Variants in CCDC27 observed in about 807,000 individuals in gnomAD.
The protein encoded by CCDC27 is coiled-coil domain containing 27.
In CCDC27, 80 loss-of-function variants were observed where a neutral mutation model predicts 80.3. The observed-to-expected ratio is 1.00, with a 90% CI of 0.83 to 1.20. The LOEUF (loss-of-function observed/expected upper bound fraction) is 1.20. CCDC27 is among the 50% of genes most tolerant of loss of function. The probability of loss-of-function intolerance (pLI) is 0.00; values close to 1 mark genes in which losing one functional copy is unlikely to be tolerated. For synonymous variants in CCDC27, 342 were observed against 334.3 expected (o/e 1.02, Z -0.25); for missense variants, 815 against 809.4 (o/e 1.01, Z -0.08).
At chr1:3,755,822 C>T (rs1642939020) in intron 3 of CCDC27, 2 of 473,108 alleles carry the variant, frequency 4.2e-6, no homozygotes, top group Non-Finnish European at 7.8e-6. Flanking sequence ...GTTTTGTCCC[C>T]TTGGCCTTTA....
rs542584363 is a variant in CCDC27 at position 3,771,570 on chromosome 1, C to A, written c.*47C>A. On this transcript the variant is annotated 3_prime_UTR_variant, in exon 12 of 12. Transcript: ENST00000294600. ...CGGTCAGCCCAGCAGAGGCCGGGGC[C>A]CAGCTCCAGAACCACCCGCCCCCAC... The A allele has an allele frequency of 1.2e-6, 2 of 1,604,444 alleles. No homozygotes were observed. The highest frequency in any genetic ancestry group is 1.7e-6 in the Non-Finnish European group (2 of 1,177,078).
At chr1:3,753,706 G>A (rs946361302) in intron 1 of CCDC27, among the ~76,000 whole-genome samples, 4 of 152,230 alleles carry the variant, frequency 2.6e-5, no homozygotes, top group Non-Finnish European at 5.9e-5. Flanking sequence ...GGGGACAGAG[G>A]GGACACACTG....
chr1:3,762,941 T>C, intron 6 of CCDC27, 167 bp from the exon 7 acceptor site: 1 of 896,630 alleles, frequency 1.1e-6, no homozygotes, highest in South Asian at 1.8e-5. Context: ...CCACAGTGCC[T>C]GGGCCACTGT....
Position 3,763,500 on chromosome 1 carries a change from G to A in CCDC27, c.1321+26G>A, listed in dbSNP as rs375205752. 3.8e-6 allele frequency: 6 copies of A among 1,565,952 alleles called. No individual in the cohort carries two copies. Among genetic ancestry groups the A allele is most frequent in the Non-Finnish European group, 5.2e-6 (6 of 1,155,840 alleles). On this transcript the variant is annotated intron_variant, in intron 7 of 11. Transcript: ENST00000294600. The surrounding 1 kb of genome is among the most constrained non-coding windows in gnomAD (Gnocchi z 7.5). ...GTAGGGCCTCGGCGGGGGGCACTGG[G>A]CTTTGGCCACTCAGTGGTTCCCGGC...
At chr1:3,755,978 A>G (rs1300556463) in intron 3 of CCDC27, 2 of 194,726 alleles carry the variant, frequency 1.0e-5, no homozygotes, top group Non-Finnish European at 2.2e-5. Context: ...GGAAACCTAG[A>G]GTCTGTAGTG....
chr1:3,758,296 C>A (rs1007296227), intron 4 of CCDC27, among the ~76,000 whole-genome samples: 9 of 150,886 alleles, frequency 6.0e-5, no homozygotes, highest in Non-Finnish European at 1.3e-4. Flanking sequence ...TCAAGCAATT[C>A]TCCTGCCTCA....
Position 3,769,818 on chromosome 1 carries a change from C to G in CCDC27, c.1779C>G (p.Thr593=), listed in dbSNP as rs989705134. The G allele has an allele frequency of 3.7e-6, 6 of 1,614,036 alleles. No homozygotes were observed. The highest frequency in any genetic ancestry group is 5.1e-6 in the Non-Finnish European group (6 of 1,179,946). Residue 593 remains threonine, a synonymous_variant, in exon 11 of 12, where the codon ACC becomes ACG. Coordinates refer to ENST00000294600, the MANE Select transcript of CCDC27 (RefSeq NM_152492.3). The surrounding 1 kb of genome is among the most constrained non-coding windows in gnomAD (Gnocchi z 4.6). ...ERLRNKIIQA[T]FSISGTKSLA... ...TAAGGAATAAGATCATCCAGGCCAC[C>G]TTTAGCATCTCCGGGACCAAGTCCT... is the stretch of plus-strand genomic sequence containing the variant.
chr1:3,757,247 T>C (rs1165286644), intron 4 of CCDC27: 1 of 162,860 alleles, frequency 6.1e-6, no homozygotes, highest in Non-Finnish European at 1.3e-5. Context: ...AGTTGATTCA[T>C]TGTAGTGTTA....
chr1:3,756,885 G>C lies in CCDC27; in HGVS notation c.706G>C (p.Glu236Gln). The C allele has an allele frequency of 6.2e-7, 1 of 1,611,958 alleles. No homozygotes were observed. The highest frequency in any genetic ancestry group is 8.5e-7 in the Non-Finnish European group (1 of 1,179,190). Residue 236 changes from glutamate to glutamine, a missense_variant, in exon 4 of 12, where the codon GAG (glutamate) becomes CAG (glutamine). Physicochemically the swap from Glu to Gln is conservative, Grantham distance 29. Coordinates refer to ENST00000294600, the MANE Select transcript of CCDC27 (RefSeq NM_152492.3). ...GCCCTGGTACCTCTCAGTCATCCAC[G>C]AGAAGGTACTGGCGGAGGGGGTGCA... is the stretch of plus-strand genomic sequence containing the variant. ...RMPWYLSVIHEKDHCLSELEI... is the reference protein window; with the variant it reads ...RMPWYLSVIHQKDHCLSELEI...
chr1:3,755,485 A>G lies in CCDC27; in HGVS notation c.471A>G (p.Gly157=). Residue 157 remains glycine, a synonymous_variant, in exon 3 of 12, where the codon GGA becomes GGG. Coordinates refer to ENST00000294600, the MANE Select transcript of CCDC27 (RefSeq NM_152492.3). The stretch of plus-strand genomic sequence containing the variant: ...CACCCACTGAGGCCGATTTGTCCGG[A>G]GAGATTGACAACAGCTCGGAGACCT... ...CGSPTEADLS[G]EIDNSSETWR... 1 of 1,614,024 alleles carries G rather than the reference A, an allele frequency of 6.2e-7. No homozygotes were observed. The highest frequency in any genetic ancestry group is 8.5e-7 in the Non-Finnish European group (1 of 1,179,910).
chr1:3,759,892 G>C (rs956756225), intron 4 of CCDC27, among the ~76,000 whole-genome samples: 5 of 152,218 alleles, frequency 3.3e-5, no homozygotes, highest in African/African-American at 1.2e-4. Context: ...CAGCAGGGAG[G>C]GGATTTACCA....
rs1643061000 is a variant in CCDC27 at position 3,760,553 on chromosome 1, G to A, written c.712-728G>A. ...ACTTTAACTGCGTCCCACGAGCTTT[G>A]ATGTGTCCGGATGTTCATTATCAGT... On this transcript the variant is annotated intron_variant, in intron 4 of 11. Transcript: ENST00000294600. The surrounding 1 kb of genome is among the most constrained non-coding windows in gnomAD (Gnocchi z 4.3). Among the ~76,000 whole-genome samples the A allele has an allele frequency of 6.6e-6, 1 of 152,188 alleles. No homozygotes were observed. Among genetic ancestry groups the A allele is most frequent in the African/African-American group, 2.4e-5 (1 of 41,438 alleles).
In CCDC27 at chr1:3,769,711, G is replaced by T. The variant is rs1643312969; in HGVS notation, c.1744-72G>T. 1 of 978,920 alleles carries T rather than the reference G, an allele frequency of 1.0e-6. No homozygotes were observed. 60.6% of individuals were successfully genotyped at this position (978,920 alleles called of 1,614,324 possible). A position where few individuals can be genotyped will look rare whatever the true frequency, so the allele number is the denominator to read the frequency against. Reference sequence around the variant, plus strand: ...CCTGGTACATAAAAAATAAGGTGGTGGGGGGTGCAGCCCACTGGCCAGGTG... The same window carrying T: ...CCTGGTACATAAAAAATAAGGTGGTTGGGGGTGCAGCCCACTGGCCAGGTG... On this transcript the variant is annotated intron_variant, in intron 10 of 11. Coordinates refer to ENST00000294600, the MANE Select transcript of CCDC27 (RefSeq NM_152492.3). This position sits in a 1 kb window ranked among gnomAD's most constrained non-coding sequence, Gnocchi z 4.6.
At chr1:3,764,508 A>T (rs970924437) in intron 8 of CCDC27, among the ~76,000 whole-genome samples, 4 of 152,196 alleles carry the variant, frequency 2.6e-5, no homozygotes, top group Non-Finnish European at 5.9e-5. Context: ...AACACACACA[A>T]GGGCAGCCTT....
At position 3,752,543 on chromosome 1, in the gene CCDC27, A is replaced by C; in HGVS notation, c.62A>C (p.Lys21Thr). ...AGGCTGAAGAGAGATCCACGGGAAA[A>C]GCCGGGCCTGTCCTCATTCAGGTCC... is the stretch of plus-strand genomic sequence containing the variant. ...QARLKRDPRE[K>T]PGLSSFRSTF... The change falls in exon 1 of 12, where the codon AAG (lysine) becomes ACG (threonine). Residue 21 changes from lysine (K) to threonine (T), a missense_variant. Coordinates refer to ENST00000294600, the MANE Select transcript of CCDC27 (RefSeq NM_152492.3). The C allele has an allele frequency of 6.2e-7, 1 of 1,614,158 alleles. No homozygotes were observed. Among genetic ancestry groups the C allele is most frequent in the Non-Finnish European group, 8.5e-7 (1 of 1,180,042 alleles).
rs1643126078 is a variant in CCDC27 at position 3,763,050 on chromosome 1, C to T, written c.955-58C>T. 3 of 1,442,004 alleles carry T rather than the reference C, an allele frequency of 2.1e-6. No individual in the cohort carries two copies. The highest frequency in any genetic ancestry group is 1.5e-5 in the South Asian group (1 of 66,562). The allele number at this position is 1,442,004 out of a possible 1,614,324, so 89.3% of individuals were successfully genotyped here. A position where few individuals can be genotyped will look rare whatever the true frequency, so the allele number is the denominator to read the frequency against. On this transcript the variant is annotated intron_variant, in intron 6 of 11. Coordinates refer to ENST00000294600, the MANE Select transcript of CCDC27 (RefSeq NM_152492.3). The surrounding 1 kb of genome is among the most constrained non-coding windows in gnomAD (Gnocchi z 7.5). ...GTGCCCCCGCCATGAGCATTAGAGC[C>T]CTCTGCCCTGGGGGTGCCCCGCAGC...
chr1:3,755,268 G>A lies in CCDC27; in HGVS notation c.443-189G>A, dbSNP rs183938689. Reference sequence around the variant, plus strand: ...CAGCCACACTTGGGTCTGCTGAGGTGGAGACACCAGGGCAGGCAGGAGGAT... The same window carrying A: ...CAGCCACACTTGGGTCTGCTGAGGTAGAGACACCAGGGCAGGCAGGAGGAT... On this transcript the variant is annotated intron_variant, in intron 2 of 11. Coordinates refer to ENST00000294600, the MANE Select transcript of CCDC27 (RefSeq NM_152492.3). 8.9e-4 allele frequency among the ~76,000 whole-genome samples: 135 copies of A among 152,338 alleles called. No homozygotes were observed. In the Middle Eastern group the frequency reaches 0.017, roughly 19 times the overall value.
Position 3,771,559 on chromosome 1 carries a change from G to T in CCDC27, c.*36G>T. 6.2e-7 allele frequency: 1 copy of T among 1,610,176 alleles called. No individual in the cohort carries two copies. On this transcript the variant is annotated 3_prime_UTR_variant, in exon 12 of 12. Coordinates refer to ENST00000294600, the MANE Select transcript of CCDC27 (RefSeq NM_152492.3). ...GCCCCCAAATACGGTCAGCCCAGCA[G>T]AGGCCGGGGCCCAGCTCCAGAACCA...
chr1:3,753,300 T>C (rs114275298), intron 1 of CCDC27, among the ~76,000 whole-genome samples: 3,575 of 150,248 alleles, frequency 0.024, 126 homozygotes, highest in African/African-American at 0.081. Flanking sequence ...TAGTGGACTA[T>C]GGTTTCTTTT....
Sources: allele counts gnomAD v4.1 joint callset (sites outside exome capture counted in the v4.1 genomes callset), GRCh38; gene constraint gnomAD v4.1.1; non-coding constraint Gnocchi (gnomAD v3.1); transcripts MANE v1.5; gene names NCBI Gene and HGNC (gene_info 2026-07-23, HGNC 2026-07-21).